The following PURG variants were observed in gnomAD, a reference collection of about 807,000 sequenced individuals.
PURG encodes the protein purine-rich element-binding protein gamma.
PURG carries 3 observed loss-of-function variants against 24.3 expected under a neutral mutation model. That is an observed-to-expected ratio of 0.12 (90% CI 0.06 to 0.32). The LOEUF (loss-of-function observed/expected upper bound fraction) is 0.32. Among genes scored for constraint, PURG ranks in the 10% least tolerant of loss-of-function variants. PURG has a pLI of 1.00. For missense variants in PURG, 371 were observed against 439.1 expected, an observed-to-expected ratio of 0.84 and a Z score of 1.39; for synonymous variants, 180 against 173.1, an observed-to-expected ratio of 1.04 and a Z score of -0.31.
At chr8:30,999,701 T>C (rs1032082259) in intron 1 of PURG, among the ~76,000 whole-genome samples, 1 of 152,000 alleles carries the variant, frequency 6.6e-6, no homozygotes, top group East Asian at 1.9e-4. Flanking sequence ...AAAATGTAAA[T>C]ATATATACAG....
Position 31,032,717 on chromosome 8 carries a change from G to A in PURG, c.66C>T (p.Gly22=). Reference sequence around the variant, plus strand: ...AGAGTCTACTCTTGCTTAGGCCAGAGCCCCCTACATTCTTGCCTCCGCGGC... The same window carrying A: ...AGAGTCTACTCTTGCTTAGGCCAGAACCCCCTACATTCTTGCCTCCGCGGC... The part of the protein sequence containing the change: ...GRGRGGKNVG[G]SGLSKSRLYP... Residue 22 remains glycine (G), a synonymous_variant, in exon 2 of 2, where the codon GGC becomes GGT. Transcript: ENST00000523392. This position sits in a 1 kb window ranked among gnomAD's most constrained non-coding sequence, Gnocchi z 5.9. 1 of 1,488,898 alleles carries A rather than the reference G, an allele frequency of 6.7e-7. No individual in the cohort carries two copies. Among genetic ancestry groups the A allele is most frequent in the Non-Finnish European group, 8.9e-7 (1 of 1,120,206 alleles). The allele number at this position is 1,488,898 out of a possible 1,614,324, so 92.2% of individuals were successfully genotyped here. A position where few individuals can be genotyped will look rare whatever the true frequency, so the allele number is the denominator to read the frequency against.
At chr8:31,030,796 G>A (rs1454859384), downstream of PURG, 1 of 151,800 alleles carries the variant, frequency 6.6e-6, no homozygotes, top group Non-Finnish European at 1.5e-5. Context: ...TCAGTTAATT[G>A]GTACACCAAC....
exon 2 of PURG, chr8:30,996,551 C>T (rs375457668): frequency 9.8e-6 from 14 of 1,424,070 alleles, no homozygotes; most frequent in African/African-American, 7.1e-5. Context: ...TTTCTTTCAC[C>T]GAATGCCTTT....
In PURG at chr8:31,006,409, C is replaced by T. The variant is rs190940922; in HGVS notation, c.865-9712G>A. Among the ~76,000 whole-genome samples, 1,120 of 152,232 alleles carry T rather than the reference C, an allele frequency of 7.4e-3. 9 individuals carry two copies. Among genetic ancestry groups the T allele is most frequent in the African/African-American group, 0.026 (1,063 of 41,532 alleles). On this transcript the variant is annotated intron_variant, in intron 1 of 1. Transcript: ENST00000339382. ...GGAGATTGAGACGAGCCATGGCCAA[C>T]ATGGTGAAACCCTGTCTCTACTAAA...
Position 31,031,667 on chromosome 8 carries a change from C to A in PURG, c.*72G>T. The A allele has an allele frequency of 1.4e-6, 2 of 1,408,494 alleles. No homozygotes were observed. Among genetic ancestry groups the A allele is most frequent in the Non-Finnish European group, 1.9e-6 (2 of 1,060,844 alleles). 87.2% of individuals were successfully genotyped at this position (1,408,494 alleles called of 1,614,324 possible). ...GGCCAAAAAAGAGGAAAAACTTCTT[C>A]AAAGGATAATGGATCAGTACTTTTA... On this transcript the variant is annotated 3_prime_UTR_variant, in exon 2 of 2. Transcript: ENST00000523392.
chr8:31,001,856 G>T (rs1476436818), intron 1 of PURG, among the ~76,000 whole-genome samples: 2 of 152,020 alleles, frequency 1.3e-5, no homozygotes, highest in Non-Finnish European at 2.9e-5. Context: ...TCTTGAATAG[G>T]GTAGTATTAC....
chr8:31,005,771 C>T (rs867928643), intron 1 of PURG, among the ~76,000 whole-genome samples: 9 of 142,210 alleles, frequency 6.3e-5, no homozygotes, highest in East Asian at 2.0e-4. Context: ...TTTCTTTTTT[C>T]TTTTTTTTTT....
At chr8:31,024,439 G>A (rs771691493) in intron 1 of PURG, among the ~76,000 whole-genome samples, 30 of 152,024 alleles carry the variant, frequency 2.0e-4, no homozygotes, top group Non-Finnish European at 2.6e-4. Context: ...GGGTCAGGCC[G>A]CACCTTGGCA....
At chr8:31,012,185 A>G (rs2129800330) in intron 1 of PURG, among the ~76,000 whole-genome samples, 1 of 152,352 alleles carries the variant, frequency 6.6e-6, no homozygotes, top group African/African-American at 2.4e-5. Flanking sequence ...CTTAAATGCA[A>G]GTTAAGGAGT....
chr8:31,009,182 T>C (rs1195107815), intron 1 of PURG, among the ~76,000 whole-genome samples: 1 of 152,178 alleles, frequency 6.6e-6, no homozygotes, highest in Non-Finnish European at 1.5e-5. Flanking sequence ...CCCAGCACTT[T>C]GGGAGGTCAA....
Position 31,032,259 on chromosome 8 carries a change from T to A in PURG, c.524A>T (p.Tyr175Phe). 6.2e-7 allele frequency: 1 copy of A among 1,614,096 alleles called. No homozygotes were observed. Among genetic ancestry groups the A allele is most frequent in the Non-Finnish European group, 8.5e-7 (1 of 1,180,018 alleles). ...EHPHSVLKTD[Y>F]IERDNRKYYL... ...ATATTTCCTATTGTCCCTCTCGATA[T>A]AGTCTGTTTTCAGGACACTGTGAGG... The change falls in exon 2 of 2, where the codon TAT (tyrosine) becomes TTT (phenylalanine). Residue 175 changes from tyrosine (Y) to phenylalanine (F), a missense_variant. By Grantham distance (22) the Tyr-to-Phe change is conservative (BLOSUM62 3). Around this residue, in one of 5 missense-constraint regions of PURG, gnomAD observed 213 missense variants for 230.6 expected, o/e 0.92. Coordinates refer to ENST00000523392, the MANE Select transcript of PURG (RefSeq NM_001323311.2). The surrounding 1 kb of genome is among the most constrained non-coding windows in gnomAD (Gnocchi z 5.9).
chr8:31,019,496 G>T (rs1230817938), intron 1 of PURG, among the ~76,000 whole-genome samples: 1 of 150,986 alleles, frequency 6.6e-6, no homozygotes, highest in East Asian at 2.0e-4. Flanking sequence ...AACACGCCTG[G>T]CTAATTTTTG....
At chr8:31,017,440 T>C (rs1226452739) in intron 1 of PURG, among the ~76,000 whole-genome samples, 6 of 151,950 alleles carry the variant, frequency 3.9e-5, no homozygotes, top group Non-Finnish European at 7.4e-5. Flanking sequence ...CTATCTATTA[T>C]ATATAAAGGG....
rs1311456823 is a variant in PURG, at chr8:31,032,411, C to T, written c.372G>A (p.Glu124=). 6.2e-7 allele frequency: 1 copy of T among 1,613,982 alleles called. No homozygotes were observed. Among genetic ancestry groups the T allele is most frequent in the East Asian group, 2.2e-5 (1 of 44,858 alleles). Residue 124 remains glutamate (E), a synonymous_variant, in exon 2 of 2, where the codon GAG becomes GAA. Coordinates refer to ENST00000523392, the MANE Select transcript of PURG (RefSeq NM_001323311.2). This position sits in a 1 kb window ranked among gnomAD's most constrained non-coding sequence, Gnocchi z 5.9. ...CTTTCAGGCCCAGGTGGGCATAGTGCTCGATGAAGTCCCCTAGACAGTCCT... is the reference window on the plus strand; with the variant it reads ...CTTTCAGGCCCAGGTGGGCATAGTGTTCGATGAAGTCCCCTAGACAGTCCT... ...ELKDCLGDFI[E]HYAHLGLKGH... is the part of the protein sequence containing the mutation.
chr8:31,018,136 T>C (rs891720256), intron 1 of PURG, among the ~76,000 whole-genome samples: 1 of 152,208 alleles, frequency 6.6e-6, no homozygotes, highest in Non-Finnish European at 1.5e-5. Context: ...ATAAAGTTCA[T>C]GAAAATTTAA....
At chr8:31,028,475 T>C (rs1409815333), downstream of PURG, among the ~76,000 whole-genome samples, 2 of 151,892 alleles carry the variant, frequency 1.3e-5, no homozygotes, top group African/African-American at 4.8e-5. Context: ...TGACAGATTG[T>C]CTGCCTGGAC....
chr8:31,019,424 C>T (rs1334816614), intron 1 of PURG, among the ~76,000 whole-genome samples: 1 of 140,280 alleles, frequency 7.1e-6, no homozygotes, highest in Non-Finnish European at 1.5e-5. Flanking sequence ...ATCTCCACTT[C>T]CTGTGTTCAA....
intron 1 of PURG, among the ~76,000 whole-genome samples, chr8:31,008,675 C>A (rs532210547): frequency 6.6e-6 from 1 of 152,272 alleles, no homozygotes; most frequent in South Asian, 2.1e-4. Flanking sequence ...GTTTTGTTAT[C>A]AATATAATTC....
At chr8:31,006,208 AAG>A (rs1810647675) in intron 1 of PURG, among the ~76,000 whole-genome samples, 2 of 152,210 alleles carry the variant, frequency 1.3e-5, no homozygotes, top group South Asian at 2.1e-4. Context: ...AAAAATAAGT[AAG>A]TGAGAAAATT....
Sources: gnomAD v4.1 joint callset for allele counts (sites outside exome capture counted in the v4.1 genomes callset) on GRCh38, gnomAD v4.1.1 for gene constraint, gnomAD v4.1.1 regional missense constraint, Gnocchi (gnomAD v3.1) non-coding constraint, MANE v1.5 for transcripts, NCBI Gene and HGNC (gene_info 2026-07-23, HGNC 2026-07-21) for gene names.